CNTN3: variants seen among roughly 807,000 people sequenced by gnomAD.
CNTN3 encodes the protein contactin 3.
A neutral mutation model predicts 119.1 loss-of-function variants in CNTN3; 60 were observed. The ratio of observed to expected loss-of-function variants is 0.50; its 90% CI spans 0.41 to 0.62. The LOEUF is 0.62. CNTN3 is among the 20% of genes least tolerant of loss of function. The pLI is 0.00. For missense variants in CNTN3, 1,101 were observed against 1,242.4 expected (o/e 0.89, Z 1.71); for synonymous variants, 450 against 438.7 (o/e 1.03, Z -0.32).
At chr3:74,457,268 A>C (rs948449863) in intron 4 of CNTN3, among the ~76,000 whole-genome samples, 1 of 152,062 alleles carries the variant, frequency 6.6e-6, no homozygotes, top group African/African-American at 2.4e-5. Context: ...ATTTACTCCT[A>C]ATGGGAAACA....
intron 1 of CNTN3, among the ~76,000 whole-genome samples, chr3:74,563,816 G>C (rs1293730033): frequency 6.6e-6 from 1 of 151,950 alleles, no homozygotes; most frequent in Non-Finnish European, 1.5e-5. Flanking sequence ...CTAATTCCAG[G>C]GCTTAACACA....
intron 13 of CNTN3, among the ~76,000 whole-genome samples, chr3:74,318,070 T>C (rs1257786791): frequency 6.6e-6 from 1 of 152,152 alleles, no homozygotes; most frequent in African/African-American, 2.4e-5. Flanking sequence ...CTTCCCTTCT[T>C]GCTTCATTTC....
At chr3:74,462,538 C>G (rs1702388694) in intron 4 of CNTN3, among the ~76,000 whole-genome samples, 1 of 151,978 alleles carries the variant, frequency 6.6e-6, no homozygotes, top group Non-Finnish European at 1.5e-5. Flanking sequence ...TGGGCACCAA[C>G]AAATTAGATT....
At chr3:74,428,734 G>A (rs116507877) in intron 4 of CNTN3, among the ~76,000 whole-genome samples, 348 of 152,174 alleles carry the variant, frequency 2.3e-3, no homozygotes, top group Middle Eastern at 0.01. Flanking sequence ...GTACAGTAAC[G>A]TCCTAGGCCT....
At position 74,361,906 on chromosome 3, in the gene CNTN3, C is replaced by T. The variant is rs200380587; in HGVS notation, c.1348G>A (p.Val450Met). 3.0e-5 allele frequency: 49 copies of T among 1,612,644 alleles called. No individual in the cohort carries two copies. Among genetic ancestry groups the T allele is most frequent in the East Asian group, 2.0e-4 (9 of 44,858 alleles). ...LSSWKKGDVSVQEHERISLLN... is the reference protein window; with the variant it reads ...LSSWKKGDVSMQEHERISLLN... ...TCAAAATACCTTTCATGCTCCTGCA[C>T]GCTCACATCCCCCTTCTTCCAGGAA... The change falls in exon 11 of 23, where the codon GTG (valine) becomes ATG (methionine). Residue 450 changes from valine to methionine, a missense_variant. Transcript: ENST00000263665.
At chr3:74,398,813 T>C (rs547213067) in intron 5 of CNTN3, among the ~76,000 whole-genome samples, 1 of 152,340 alleles carries the variant, frequency 6.6e-6, no homozygotes, top group South Asian at 2.1e-4. Flanking sequence ...CCCACCTGTT[T>C]ATCCCTATTG....
chr3:74,601,273 G>A (rs1704906231), intron 1 of CNTN3, among the ~76,000 whole-genome samples: 1 of 152,032 alleles, frequency 6.6e-6, no homozygotes, highest in South Asian at 2.1e-4. Context: ...AGAGAAGGCA[G>A]TTAATTTGCC....
At position 74,499,797 on chromosome 3, in the gene CNTN3, G is replaced by A; in HGVS notation, c.56-12C>T. 2 of 1,576,452 alleles carry A rather than the reference G, an allele frequency of 1.3e-6. No homozygotes were observed. The highest frequency in any genetic ancestry group is 1.2e-5 in the South Asian group (1 of 84,806). On this transcript the variant is annotated splice_polypyrimidine_tract_variant and intron_variant, in intron 2 of 22. Coordinates refer to ENST00000263665, the MANE Select transcript of CNTN3 (RefSeq NM_020872.3). Reference sequence around the variant, plus strand: ...TAAGAGAAGCTCACCTATATGGGTGGGAGACATCCAAAAAATAATAATCAG... The same window carrying A: ...TAAGAGAAGCTCACCTATATGGGTGAGAGACATCCAAAAAATAATAATCAG...
chr3:74,565,419 T>A (rs2106640123), intron 1 of CNTN3, among the ~76,000 whole-genome samples: 1 of 152,222 alleles, frequency 6.6e-6, no homozygotes, highest in South Asian at 2.1e-4. Context: ...GCCTCTCTCT[T>A]AGAAGGTCCC....
chr3:74,589,495 T>C (rs1453511847), intron 1 of CNTN3, among the ~76,000 whole-genome samples: 1 of 147,368 alleles, frequency 6.8e-6, no homozygotes, highest in African/African-American at 2.5e-5. Context: ...AGGAACACTT[T>C]GACACTGTTG....
Position 74,521,106 on chromosome 3 carries a change from ACAT to A in CNTN3, c.4_6del (p.Met2del). On this transcript the variant is annotated inframe_deletion, in exon 2 of 23. Transcript: ENST00000263665. ...AGCAGGATCAACTGTTTCCATGGAA[ACAT>A]CATCTTTAATTGCCAAATGCAAGAG... The A allele has an allele frequency of 6.3e-7, 1 of 1,597,962 alleles. No homozygotes were observed. The highest frequency in any genetic ancestry group is 1.3e-5 in the African/African-American group (1 of 74,220).
intron 5 of CNTN3, among the ~76,000 whole-genome samples, chr3:74,409,084 A>C (rs1008430879): frequency 3.3e-5 from 5 of 152,222 alleles, no homozygotes; most frequent in African/African-American, 1.2e-4. Flanking sequence ...AGGATGTCTT[A>C]CCATGGTCTT....
chr3:74,326,808 T>C lies in CNTN3; in HGVS notation c.1668+7927A>G, dbSNP rs180794271. On this transcript the variant is annotated intron_variant, in intron 13 of 22. Transcript: ENST00000263665. Reference sequence around the variant, plus strand: ...TCATAGTCACCTTTTATTTGTTTCATACTTTATTGCATTGACCCAAATATG... The same window carrying C: ...TCATAGTCACCTTTTATTTGTTTCACACTTTATTGCATTGACCCAAATATG... Among the ~76,000 whole-genome samples the C allele has an allele frequency of 2.7e-3, 411 of 152,302 alleles. 5 individuals are homozygous for C. Among genetic ancestry groups the C allele is most frequent in the Non-Finnish European group, 9.1e-4 (62 of 68,018 alleles).
At chr3:74,292,206 G>A (rs527819797) in intron 19 of CNTN3, among the ~76,000 whole-genome samples, 5 of 152,308 alleles carry the variant, frequency 3.3e-5, no homozygotes, top group Non-Finnish European at 7.3e-5. Flanking sequence ...GAGAGAAATA[G>A]ATACATTAAT....
intron 4 of CNTN3, among the ~76,000 whole-genome samples, chr3:74,431,309 T>C (rs1416267761): frequency 6.6e-6 from 1 of 152,108 alleles, no homozygotes; most frequent in Non-Finnish European, 1.5e-5. Context: ...TTCCTACATA[T>C]TGTTGGTGTT....
chr3:74,424,965 G>T, intron 4 of CNTN3, 25 bp from the exon 5 acceptor site: 2 of 1,475,282 alleles, frequency 1.4e-6, no homozygotes, highest in Non-Finnish European at 1.8e-6. Flanking sequence ...AAACAAAACT[G>T]AATTTTAGAA....
At chr3:74,363,368 T>C (rs1043657085) in intron 10 of CNTN3, among the ~76,000 whole-genome samples, 1 of 152,126 alleles carries the variant, frequency 6.6e-6, no homozygotes, top group African/African-American at 2.4e-5. Context: ...TGAGAAGCTA[T>C]TTTGTGCACT....
intron 13 of CNTN3, 63 bp downstream of exon 13, chr3:74,334,672 T>C: frequency 2.8e-6 from 4 of 1,454,034 alleles, no homozygotes; most frequent in Non-Finnish European, 3.8e-6. Flanking sequence ...CAGACAGTTT[T>C]CAGAAGCAAT....
At chr3:74,268,818 T>G (rs1701711968) in intron 20 of CNTN3, among the ~76,000 whole-genome samples, 1 of 151,934 alleles carries the variant, frequency 6.6e-6, no homozygotes, top group Admixed American at 6.6e-5. Flanking sequence ...AAAGGACAGG[T>G]TTGGTTTGAT....
Sources: allele counts gnomAD v4.1 joint callset (sites outside exome capture counted in the v4.1 genomes callset), GRCh38; gene constraint gnomAD v4.1.1; transcripts MANE v1.5; gene names NCBI Gene and HGNC (gene_info 2026-07-23, HGNC 2026-07-21).